MYO16: variants seen among roughly 807,000 people sequenced by gnomAD.
MYO16 encodes myosin XVI.
A neutral mutation model predicts 205.3 loss-of-function variants in MYO16; 94 were observed. That is an observed-to-expected ratio of 0.46 (90% CI 0.39 to 0.54). The LOEUF is 0.54. Ranked by LOEUF, MYO16 falls within the 20% of genes least tolerant of loss-of-function variation. The probability of loss-of-function intolerance (pLI) is 0.00; values close to 1 mark genes in which losing one functional copy is unlikely to be tolerated. For synonymous variants in MYO16, 988 were observed against 954.0 expected (o/e 1.04, Z -0.66); for missense variants, 2,315 against 2,387.5 (o/e 0.97, Z 0.63).
intron 27 of MYO16, among the ~76,000 whole-genome samples, chr13:109,087,595 G>A (rs771555782): frequency 3.9e-5 from 6 of 152,132 alleles, no homozygotes; most frequent in South Asian, 2.1e-4. Flanking sequence ...GCAGTGAGCC[G>A]AGATTGTGCC....
At position 109,125,064 on chromosome 13, in the gene MYO16, G is replaced by A. The variant is rs1876177898; in HGVS notation, c.3536-48G>A. The A allele has an allele frequency of 1.3e-6, 2 of 1,597,286 alleles. No individual in the cohort carries two copies. The highest frequency in any genetic ancestry group is 1.7e-5 in the Admixed American group (1 of 58,030). ...ATGATTTTTGTTTGTGCATGTCTGA[G>A]TTTTTCACTTTTCCTCCATTTACTA... On this transcript the variant is annotated intron_variant, in intron 29 of 34. Coordinates refer to ENST00000457511, the MANE Select transcript of MYO16 (RefSeq NM_001198950.3). The surrounding 1 kb of genome is among the most constrained non-coding windows in gnomAD (Gnocchi z 4.0).
chr13:108,654,006 T>A (rs1415664444), intron 1 of MYO16, among the ~76,000 whole-genome samples: 1 of 152,056 alleles, frequency 6.6e-6, no homozygotes, highest in Non-Finnish European at 1.5e-5. Flanking sequence ...TGCTTTAGGG[T>A]ACAAGTCACA....
intron 16 of MYO16, among the ~76,000 whole-genome samples, chr13:108,922,706 G>A (rs1003760949): frequency 2.6e-5 from 4 of 152,158 alleles, no homozygotes; most frequent in African/African-American, 7.2e-5. Flanking sequence ...GACATATTGT[G>A]GATATTTAGG....
At chr13:108,908,981 T>G (rs1821090) in intron 15 of MYO16, among the ~76,000 whole-genome samples, 2 of 146,446 alleles carry the variant, frequency 1.4e-5, no homozygotes, top group East Asian at 4.0e-4. Flanking sequence ...TCAAAAAAAA[T>G]AAAATAAAAT....
chr13:109,031,605 C>T (rs77300853), intron 23 of MYO16, among the ~76,000 whole-genome samples: 2,615 of 152,280 alleles, frequency 0.017, 77 homozygotes, highest in African/African-American at 0.06. Flanking sequence ...TTTCTCTCTT[C>T]AGAACCAGAA....
intron 2 of MYO16, among the ~76,000 whole-genome samples, chr13:108,698,328 T>C (rs568065116): frequency 6.6e-6 from 1 of 152,338 alleles, no homozygotes; most frequent in African/African-American, 2.4e-5. Flanking sequence ...GTACAGTGGT[T>C]ATTAGAGAAT....
intron 8 of MYO16, 103 bp from the exon 9 acceptor site, chr13:108,823,022 A>G (rs2139021165): frequency 8.7e-7 from 1 of 1,144,322 alleles, no homozygotes; most frequent in Non-Finnish European, 1.2e-6. Flanking sequence ...ATACATTGAT[A>G]AATTTTTAGC....
At chr13:108,925,415 G>A (rs950771378) in intron 16 of MYO16, among the ~76,000 whole-genome samples, 9 of 152,076 alleles carry the variant, frequency 5.9e-5, no homozygotes, top group African/African-American at 2.2e-4. Flanking sequence ...TAGTATGGAT[G>A]GTCTTAAATT....
chr13:109,078,288 A>AG (rs896684300), intron 27 of MYO16, among the ~76,000 whole-genome samples: 1 of 131,106 alleles, frequency 7.6e-6, no homozygotes, highest in African/African-American at 2.8e-5. Flanking sequence ...AAAAAAAAAA[A>AG]AATTACTAGG....
At chr13:109,084,731 T>G (rs1888385489) in intron 27 of MYO16, among the ~76,000 whole-genome samples, 1 of 152,082 alleles carries the variant, frequency 6.6e-6, no homozygotes, top group Admixed American at 6.5e-5. Flanking sequence ...CTTCCTTCCC[T>G]TCCTTCCTTT....
intron 1 of MYO16, among the ~76,000 whole-genome samples, chr13:108,664,278 T>C (rs1472023940): frequency 6.6e-6 from 1 of 152,222 alleles, no homozygotes; most frequent in Non-Finnish European, 1.5e-5. Flanking sequence ...CTACATCCTA[T>C]GTAAAAGTAC....
At chr13:108,997,949 C>G (rs1485764627) in intron 21 of MYO16, among the ~76,000 whole-genome samples, 2 of 152,218 alleles carry the variant, frequency 1.3e-5, no homozygotes, top group Non-Finnish European at 2.9e-5. Context: ...TGCTTACAGA[C>G]TGTTTTCTAA....
the MYO16 span, among the ~76,000 whole-genome samples, chr13:108,525,365 A>C: frequency 1.4e-3 from 215 of 152,304 alleles, no homozygotes; most frequent in Non-Finnish European, 2.5e-3. Context: ...GAATTAATGA[A>C]ATGACGGATA....
At chr13:108,559,769 C>G in the MYO16 span, among the ~76,000 whole-genome samples, 1 of 152,060 alleles carries the variant, frequency 6.6e-6, no homozygotes. Flanking sequence ...AGCGCCCGGC[C>G]TTGAGGTGCT....
intron 7 of MYO16, among the ~76,000 whole-genome samples, chr13:108,808,644 CT>C (rs1471457964): frequency 6.6e-6 from 1 of 151,968 alleles, no homozygotes. Context: ...GGAAATTATG[CT>C]TCTAGTAAAG....
At chr13:108,632,687 G>T (rs1021056659) in intron 1 of MYO16, among the ~76,000 whole-genome samples, 26 of 152,290 alleles carry the variant, frequency 1.7e-4, no homozygotes, top group African/African-American at 6.0e-4. Context: ...TAGCAGGAAA[G>T]TGTAGGAACA....
chr13:108,624,530 C>A (rs2139340738), intron 1 of MYO16, among the ~76,000 whole-genome samples: 1 of 152,178 alleles, frequency 6.6e-6, no homozygotes, highest in East Asian at 1.9e-4. Flanking sequence ...AACTTTTGTC[C>A]AAGGTCAAAC....
At chr13:109,024,954 GA>G (rs906610408) in intron 23 of MYO16, among the ~76,000 whole-genome samples, 2 of 152,170 alleles carry the variant, frequency 1.3e-5, no homozygotes, top group African/African-American at 4.8e-5. Flanking sequence ...AAGACACGTA[GA>G]AAAAGTTAAC....
chr13:108,572,096 A>AT, the MYO16 span, among the ~76,000 whole-genome samples: 32 of 151,708 alleles, frequency 2.1e-4, no homozygotes, highest in Admixed American at 5.9e-4. Flanking sequence ...ATTATTAAAA[A>AT]ATATATATAT....
Sources: gnomAD v4.1 joint callset for allele counts (sites outside exome capture counted in the v4.1 genomes callset) on GRCh38, gnomAD v4.1.1 for gene constraint, Gnocchi (gnomAD v3.1) non-coding constraint, MANE v1.5 for transcripts, NCBI Gene and HGNC (gene_info 2026-07-23, HGNC 2026-07-21) for gene names.